The following HMGCLL1 variants were observed in gnomAD, a reference collection of about 807,000 sequenced individuals.
The protein encoded by HMGCLL1 is 3-hydroxymethyl-3-methylglutaryl-CoA lyase, cytoplasmic.
HMGCLL1 carries 36 observed loss-of-function variants against 39.1 expected under a neutral mutation model. The observed-to-expected ratio is 0.92, with a 90% CI of 0.71 to 1.22. The LOEUF is 1.22. HMGCLL1 is among the 50% of genes most tolerant of loss of function. The pLI is 0.00. For missense variants in HMGCLL1, 451 were observed against 416.5 expected (o/e 1.08, Z -0.72); for synonymous variants, 149 against 144.0 (o/e 1.03, Z -0.25).
chr6:55,462,382 T>A (rs1223009899), intron 7 of HMGCLL1, among the ~76,000 whole-genome samples: 1 of 152,176 alleles, frequency 6.6e-6, no homozygotes, highest in African/African-American at 2.4e-5. Context: ...TTTGTTCCCT[T>A]TCTCAATTAT....
At chr6:55,562,297 G>A (rs1770987212) in intron 1 of HMGCLL1, among the ~76,000 whole-genome samples, 1 of 151,960 alleles carries the variant, frequency 6.6e-6, no homozygotes, top group Admixed American at 6.6e-5. Flanking sequence ...CAGTGTGTTG[G>A]GATAATTTAG....
At chr6:55,658,102 T>C in the HMGCLL1 span, among the ~76,000 whole-genome samples, 1 of 151,764 alleles carries the variant, frequency 6.6e-6, no homozygotes, top group Admixed American at 6.6e-5. Flanking sequence ...AAGAGGGGAA[T>C]CAATAAAAAT....
chr6:55,513,914 C>A (rs1343549369), intron 5 of HMGCLL1, 134 bp downstream of exon 5: 2 of 748,318 alleles, frequency 2.7e-6, no homozygotes, highest in Admixed American at 3.0e-5. Context: ...ATAGTGATTA[C>A]CCTGATTAAA....
intron 1 of HMGCLL1, among the ~76,000 whole-genome samples, chr6:55,573,295 T>G (rs773586900): frequency 6.6e-6 from 1 of 152,168 alleles, no homozygotes; most frequent in Non-Finnish European, 1.5e-5. Flanking sequence ...GAGTCTCAAA[T>G]TACATCTATA....
At chr6:55,441,597 T>C (rs997446753) in intron 7 of HMGCLL1, among the ~76,000 whole-genome samples, 18 of 152,162 alleles carry the variant, frequency 1.2e-4, no homozygotes, top group African/African-American at 4.1e-4. Flanking sequence ...AGCTCACCAG[T>C]ATACCACATT....
intron 7 of HMGCLL1, among the ~76,000 whole-genome samples, chr6:55,461,149 A>C (rs144829312): frequency 6.6e-6 from 1 of 152,110 alleles, no homozygotes; most frequent in African/African-American, 2.4e-5. Context: ...AGCAATGTGA[A>C]CATTCTAAAG....
chr6:55,580,999 A>T (rs1345794741), upstream of HMGCLL1, among the ~76,000 whole-genome samples: 4 of 152,220 alleles, frequency 2.6e-5, no homozygotes, highest in African/African-American at 9.7e-5. Flanking sequence ...CATGATATTT[A>T]AAAATAATTT....
the HMGCLL1 span, among the ~76,000 whole-genome samples, chr6:55,643,303 T>C: frequency 6.6e-6 from 1 of 151,994 alleles, no homozygotes; most frequent in Non-Finnish European, 1.5e-5. Context: ...GTCAACATGT[T>C]ATTTTTTGAC....
chr6:55,462,522 G>T (rs1056163274), intron 7 of HMGCLL1, among the ~76,000 whole-genome samples: 2 of 152,068 alleles, frequency 1.3e-5, no homozygotes, highest in Non-Finnish European at 2.9e-5. Context: ...ATTTTCTAGA[G>T]ACTTTAATTT....
At chr6:55,449,649 C>T (rs1763996607) in intron 7 of HMGCLL1, among the ~76,000 whole-genome samples, 2 of 152,076 alleles carry the variant, frequency 1.3e-5, no homozygotes, top group Non-Finnish European at 2.9e-5. Context: ...AATTTTTTTC[C>T]TCTTTTCTGC....
intron 5 of HMGCLL1, chr6:55,513,683 C>A (rs939633766): frequency 3.1e-5 from 7 of 224,874 alleles, no homozygotes; most frequent in Non-Finnish European, 6.0e-5. Context: ...ATTTGAAAAC[C>A]ACATTAGGTG....
intron 1 of HMGCLL1, among the ~76,000 whole-genome samples, chr6:55,572,958 G>C (rs1395460368): frequency 6.6e-6 from 1 of 152,158 alleles, no homozygotes; most frequent in Non-Finnish European, 1.5e-5. Context: ...TCTTTTTGAG[G>C]CATTTGCCAA....
In HMGCLL1 at chr6:55,542,059, C is replaced by A. The variant is rs746304590; in HGVS notation, c.189+1G>T. On this transcript the variant is annotated splice_donor_variant, in intron 2 of 8. Coordinates refer to ENST00000274901, the MANE Select transcript of HMGCLL1 (RefSeq NM_001042406.2). LOFTEE classifies it high-confidence loss of function. ...ATTTGAAGTAAATGATGTAAAACTA[C>A]CTTTTCATTCTGCAATCCATCCCTA... 97 of 1,582,012 alleles carry A rather than the reference C, an allele frequency of 6.1e-5. No individual in the cohort carries two copies. The Admixed American group carries it at 1.6e-3, about 26-fold the overall frequency.
chr6:55,598,109 T>A, the HMGCLL1 span, among the ~76,000 whole-genome samples: 4 of 152,148 alleles, frequency 2.6e-5, no homozygotes, highest in South Asian at 8.3e-4. Flanking sequence ...CATCAGTGGA[T>A]GTGTTCAAAT....
At chr6:55,556,479 G>A (rs1245212357) in intron 1 of HMGCLL1, among the ~76,000 whole-genome samples, 1 of 152,156 alleles carries the variant, frequency 6.6e-6, no homozygotes, top group Non-Finnish European at 1.5e-5. Flanking sequence ...GCAAGAACCA[G>A]AAGACCAGTG....
chr6:55,514,146 G>T lies in HMGCLL1; in HGVS notation c.444C>A (p.Ser148=). ...AACAGTTAATATTCTTCTTGCTAAA[G>T]GATTCAGATGCAGCTCCAAAAACTG... ...EISVFGAASE[S]FSKKNINCSI... The change falls in exon 5 of 9, where the codon TCC becomes TCA. Residue 148 remains serine (S), a synonymous_variant. Coordinates refer to ENST00000274901, the MANE Select transcript of HMGCLL1 (RefSeq NM_001042406.2). 1 of 1,612,204 alleles carries T rather than the reference G, an allele frequency of 6.2e-7. No homozygotes were observed. The highest frequency in any genetic ancestry group is 1.1e-5 in the South Asian group (1 of 90,692).
At chr6:55,599,040 A>G in the HMGCLL1 span, among the ~76,000 whole-genome samples, 7 of 152,102 alleles carry the variant, frequency 4.6e-5, no homozygotes, top group South Asian at 8.3e-4. Flanking sequence ...GTATGTTCTC[A>G]CTCATAAGTG....
chr6:55,499,266 T>C lies in HMGCLL1; in HGVS notation c.576A>G (p.Glu192=). 1 of 1,610,882 alleles carries C rather than the reference T, an allele frequency of 6.2e-7. No individual in the cohort carries two copies. The highest frequency in any genetic ancestry group is 8.5e-7 in the Non-Finnish European group (1 of 1,178,306). ...TCACTTTTTGCGGTGTAATACTTCCTTCATATGGACAGCCCAGAGCACAAG... is the reference window on the plus strand; with the variant it reads ...TCACTTTTTGCGGTGTAATACTTCCCTCATATGGACAGCCCAGAGCACAAG... ...YVSCALGCPY[E]GSITPQKVTE... The change falls in exon 6 of 9, where the codon GAA becomes GAG. Residue 192 remains glutamate, a synonymous_variant. Coordinates refer to ENST00000274901, the MANE Select transcript of HMGCLL1 (RefSeq NM_001042406.2).
Position 55,499,318 on chromosome 6 carries a change from C to T in HMGCLL1, c.543-19G>A, listed in dbSNP as rs1282244427. ...CACATACCTAAATTAAAAATACAGC[C>T]TTATAAATATGCATATGGTAAATAA... On this transcript the variant is annotated intron_variant, in intron 5 of 8. Transcript: ENST00000274901. 3 of 1,569,652 alleles carry T rather than the reference C, an allele frequency of 1.9e-6. No individual in the cohort carries two copies. The Admixed American group carries it at 5.5e-5, about 29-fold the overall frequency.
Sources: gnomAD v4.1 joint callset for allele counts (sites outside exome capture counted in the v4.1 genomes callset) on GRCh38, gnomAD v4.1.1 for gene constraint, MANE v1.5 for transcripts, NCBI Gene and HGNC (gene_info 2026-07-23, HGNC 2026-07-21) for gene names.